ZBTB38: variants seen among roughly 807,000 people sequenced by gnomAD.
The protein encoded by ZBTB38 is zinc finger and BTB domain containing 38.
Under a neutral mutation model 76.8 loss-of-function variants are expected in ZBTB38, and 20 were observed. That is an observed-to-expected ratio of 0.26 (90% CI 0.18 to 0.38). ZBTB38 has a LOEUF of 0.38. Among genes scored for constraint, ZBTB38 ranks in the 10% least tolerant of loss-of-function variants. The pLI, the probability that ZBTB38 is intolerant of heterozygous loss-of-function variation, is 1.00. For synonymous variants in ZBTB38, 504 were observed against 544.2 expected, an observed-to-expected ratio of 0.93 and a Z score of 1.03; for missense variants, 1,082 against 1,482.3, an observed-to-expected ratio of 0.73 and a Z score of 4.43.
At chr3:141,358,091 C>T (rs1168602461) in intron 1 of ZBTB38, among the ~76,000 whole-genome samples, 3 of 152,156 alleles carry the variant, frequency 2.0e-5, no homozygotes, top group Non-Finnish European at 4.4e-5. Flanking sequence ...ACAGTATTAG[C>T]ACCAACTTCT....
chr3:141,440,939 C>A (rs1046820925), intron 5 of ZBTB38, among the ~76,000 whole-genome samples: 20 of 148,492 alleles, frequency 1.3e-4, no homozygotes, highest in Admixed American at 5.5e-4. Context: ...GAGGCTGAGG[C>A]AGGAGAGTCG....
intron 1 of ZBTB38, among the ~76,000 whole-genome samples, chr3:141,353,840 G>A (rs761090212): frequency 6.6e-6 from 1 of 152,130 alleles, no homozygotes; most frequent in Non-Finnish European, 1.5e-5. Flanking sequence ...ACAGCTTCTT[G>A]GAAGCTATCC....
chr3:141,345,399 C>A (rs1438035888), intron 1 of ZBTB38, among the ~76,000 whole-genome samples: 1 of 152,030 alleles, frequency 6.6e-6, no homozygotes, highest in Non-Finnish European at 1.5e-5. Flanking sequence ...GGACTACATG[C>A]TGGGAACAGG....
chr3:141,408,775 T>A (rs1955570739), intron 5 of ZBTB38, among the ~76,000 whole-genome samples: 1 of 152,200 alleles, frequency 6.6e-6, no homozygotes, highest in South Asian at 2.1e-4. Context: ...CTATATTGAG[T>A]CATTTTAAAA....
intron 1 of ZBTB38, among the ~76,000 whole-genome samples, chr3:141,346,364 A>G (rs911500607): frequency 2.6e-5 from 4 of 152,188 alleles, no homozygotes; most frequent in Non-Finnish European, 4.4e-5. Flanking sequence ...GCTTAGCAGC[A>G]TTGAAATAAA....
chr3:141,444,259 C>A lies in ZBTB38; in HGVS notation c.1871C>A (p.Thr624Asn). ...PTLNFQDTVN[T>N]LTNSPAIPLE... ...CTGAATTTCCAAGATACTGTAAACA[C>A]CCTGACCAACAGTCCAGCCATCCCA... The change falls in exon 6 of 6, where the codon ACC becomes AAC. Residue 624 changes from threonine (T) to asparagine (N), a missense_variant. Physicochemically the swap from Thr to Asn is moderately conservative, Grantham distance 65. This residue lies in a region of ZBTB38 where 471 missense variants were observed against 581.0 expected (regional missense o/e 0.81). Transcript: ENST00000321464. This position sits in a 1 kb window ranked among gnomAD's most constrained non-coding sequence, Gnocchi z 5.1. 6.2e-7 allele frequency: 1 copy of A among 1,614,222 alleles called. No homozygotes were observed. Among genetic ancestry groups the A allele is most frequent in the East Asian group, 2.2e-5 (1 of 44,886 alleles).
intron 4 of ZBTB38, among the ~76,000 whole-genome samples, chr3:141,393,289 G>C (rs978475412): frequency 2.6e-5 from 4 of 152,172 alleles, no homozygotes; most frequent in Non-Finnish European, 4.4e-5. Flanking sequence ...CTGAGGCCTT[G>C]CTCTAATTAA....
intron 1 of ZBTB38, among the ~76,000 whole-genome samples, chr3:141,354,607 C>T (rs1175431872): frequency 6.6e-6 from 1 of 152,116 alleles, no homozygotes; most frequent in Non-Finnish European, 1.5e-5. Flanking sequence ...CTACATCCTC[C>T]CTTGCTCATG....
At chr3:141,417,608 C>T (rs1481843572) in intron 5 of ZBTB38, among the ~76,000 whole-genome samples, 3 of 152,236 alleles carry the variant, frequency 2.0e-5, no homozygotes, top group Non-Finnish European at 2.9e-5. Flanking sequence ...TTTCTCCAGA[C>T]ATCCTTCTAG....
chr3:141,438,432 G>A (rs2079317064), intron 5 of ZBTB38: 1 of 152,248 alleles, frequency 6.6e-6, no homozygotes. Context: ...ATGTTGGTGA[G>A]GCTGGTCATG....
chr3:141,360,959 C>T (rs1315647670), intron 1 of ZBTB38, among the ~76,000 whole-genome samples: 1 of 152,144 alleles, frequency 6.6e-6, no homozygotes, highest in Non-Finnish European at 1.5e-5. Context: ...ACCTAAAGCA[C>T]CAAATTCTCT....
intron 1 of ZBTB38, among the ~76,000 whole-genome samples, chr3:141,345,819 A>C (rs556672187): frequency 1.3e-5 from 2 of 152,046 alleles, no homozygotes; most frequent in East Asian, 1.9e-4. Flanking sequence ...CCATTCTAAC[A>C]GCTTAGTTTT....
intron 3 of ZBTB38, among the ~76,000 whole-genome samples, chr3:141,382,600 C>G (rs1227702514): frequency 6.6e-6 from 1 of 152,064 alleles, no homozygotes; most frequent in Non-Finnish European, 1.5e-5. Flanking sequence ...TTTATTTTGC[C>G]TCATAAAATA....
At chr3:141,401,156 T>G (rs1296757253) in intron 4 of ZBTB38, among the ~76,000 whole-genome samples, 1 of 152,088 alleles carries the variant, frequency 6.6e-6, no homozygotes, top group African/African-American at 2.4e-5. Flanking sequence ...TTGAGAAAGC[T>G]CTGATTGGTA....
At chr3:141,381,798 T>TG (rs146251624) in intron 3 of ZBTB38, among the ~76,000 whole-genome samples, 5,794 of 152,280 alleles carry the variant, frequency 0.038, 124 homozygotes, top group Non-Finnish European at 0.045. Flanking sequence ...GTCCAGCTCT[T>TG]GGCCTACTTG....
At chr3:141,373,563 T>A (rs1389961059) in intron 2 of ZBTB38, among the ~76,000 whole-genome samples, 2 of 152,240 alleles carry the variant, frequency 1.3e-5, no homozygotes, top group Non-Finnish European at 2.9e-5. Context: ...TACCACATCA[T>A]ATTCACCAAA....
At chr3:141,401,286 G>A (rs1016843046) in intron 4 of ZBTB38, among the ~76,000 whole-genome samples, 1 of 152,020 alleles carries the variant, frequency 6.6e-6, no homozygotes, top group Non-Finnish European at 1.5e-5. Context: ...GGCATATGGA[G>A]GAAGAATAAA....
chr3:141,407,775 G>A (rs1199112535), intron 5 of ZBTB38, among the ~76,000 whole-genome samples: 1 of 152,220 alleles, frequency 6.6e-6, no homozygotes, highest in African/African-American at 2.4e-5. Flanking sequence ...AGATAAACCT[G>A]AGATTTGAGA....
intron 4 of ZBTB38, among the ~76,000 whole-genome samples, chr3:141,403,678 T>C (rs957719974): frequency 2.0e-5 from 3 of 152,240 alleles, no homozygotes; most frequent in African/African-American, 7.2e-5. Context: ...AATTGTCACA[T>C]ACACCAGCTG....
Sources: gnomAD v4.1 joint callset for allele counts (sites outside exome capture counted in the v4.1 genomes callset) on GRCh38, gnomAD v4.1.1 for gene constraint, gnomAD v4.1.1 regional missense constraint, Gnocchi (gnomAD v3.1) non-coding constraint, MANE v1.5 for transcripts, NCBI Gene and HGNC (gene_info 2026-07-23, HGNC 2026-07-21) for gene names.